Variants in PCDHA13 observed in about 807,000 individuals in gnomAD.
PCDHA13 encodes the protein protocadherin alpha-13.
PCDHA13 carries 54 observed loss-of-function variants against 64.8 expected under a neutral mutation model. The ratio of observed to expected loss-of-function variants is 0.83; its 90% CI spans 0.67 to 1.04. The LOEUF is 1.04. Among genes scored for constraint, PCDHA13 ranks in the 50% least tolerant of loss-of-function variants. The pLI is 0.00. For missense variants in PCDHA13, 1,248 were observed against 1,254.3 expected (o/e 0.99, Z 0.08); for synonymous variants, 587 against 564.4 (o/e 1.04, Z -0.57).
At chr5:140,893,066 A>G (rs1221245824) in intron 1 of PCDHA13, among the ~76,000 whole-genome samples, 1 of 152,248 alleles carries the variant, frequency 6.6e-6, no homozygotes, top group Admixed American at 6.5e-5. Flanking sequence ...ACTGCCATGA[A>G]TAACAGGATT....
At chr5:140,982,211 A>G (rs1554243869) in intron 2 of PCDHA13, 1 of 476,036 alleles carries the variant, frequency 2.1e-6, no homozygotes, top group African/African-American at 2.0e-5. Flanking sequence ...AGTGAGCGCC[A>G]CATGGCGTTA....
chr5:140,967,019 C>T (rs887648506), intron 1 of PCDHA13: 1 of 1,607,542 alleles, frequency 6.2e-7, no homozygotes, highest in Non-Finnish European at 8.5e-7. Flanking sequence ...TCTGGGTGCG[C>T]CCAGTCCGCG....
chr5:141,007,349 G>C (rs532404832), intron 3 of PCDHA13, among the ~76,000 whole-genome samples: 204 of 144,744 alleles, frequency 1.4e-3, no homozygotes, highest in Middle Eastern at 0.011. Flanking sequence ...TCAGGAGTTC[G>C]AGACCAGCCT....
chr5:140,928,939 T>C (rs367874769), intron 1 of PCDHA13: 1 of 1,614,130 alleles, frequency 6.2e-7, no homozygotes, highest in Non-Finnish European at 8.5e-7. Context: ...CCAGAACTTG[T>C]ATTTAGTAAT....
At chr5:140,893,264 A>T (rs1554185566) in intron 1 of PCDHA13, among the ~76,000 whole-genome samples, 1 of 152,290 alleles carries the variant, frequency 6.6e-6, no homozygotes, top group African/African-American at 2.4e-5. Context: ...ATAAATGCCC[A>T]ATAGTGGAAT....
intron 1 of PCDHA13, among the ~76,000 whole-genome samples, chr5:140,923,179 G>T (rs982663028): frequency 3.3e-5 from 5 of 152,130 alleles, no homozygotes; most frequent in Admixed American, 1.3e-4. Flanking sequence ...TTGTTCAGAT[G>T]CATCTACTGC....
chr5:140,957,473 G>A (rs1307847703), intron 1 of PCDHA13, among the ~76,000 whole-genome samples: 1 of 151,954 alleles, frequency 6.6e-6, no homozygotes, highest in Non-Finnish European at 1.5e-5. Context: ...GTATGTATAG[G>A]AAAAAACATA....
rs782623559 is a variant in PCDHA13 at position 141,009,752 on chromosome 5, A to G, written c.2668A>G (p.Ile890Val). The G allele has an allele frequency of 3.1e-6, 5 of 1,614,086 alleles. No homozygotes were observed. Among genetic ancestry groups the G allele is most frequent in the East Asian group, 4.5e-5 (2 of 44,882 alleles). The change falls in exon 4 of 4, where the codon ATC becomes GTC. Residue 890 changes from isoleucine (I) to valine (V), a missense_variant. Physicochemically the swap from Ile to Val is conservative, Grantham distance 29. Transcript: ENST00000289272. ...CGGTGAGTTGCCCGACAAATTCATT[A>G]TCCCAGGATCTCCTGCAATCATCTC... ...GPGELPDKFIIPGSPAIISIR... is the reference protein window; with the variant it reads ...GPGELPDKFIVPGSPAIISIR...
chr5:140,968,768 C>T, intron 1 of PCDHA13: 1 of 1,614,174 alleles, frequency 6.2e-7, no homozygotes, highest in South Asian at 1.1e-5. Flanking sequence ...TAATGGAGAG[C>T]CATCACTATC....
At chr5:140,935,203 A>G (rs1403808889) in intron 1 of PCDHA13, among the ~76,000 whole-genome samples, 1 of 152,160 alleles carries the variant, frequency 6.6e-6, no homozygotes, top group Non-Finnish European at 1.5e-5. Flanking sequence ...GTTTCTAGGT[A>G]TCTTCAGCTA....
In PCDHA13 at chr5:140,883,606, C is replaced by T. The variant is rs782093980; in HGVS notation, c.1338C>T (p.Ala446=). ...WATASVSVGV[A]DVNDNAPAFA... The stretch of plus-strand genomic sequence containing the variant: ...CGGCCAGCGTGTCGGTGGGGGTGGC[C>T]GACGTGAACGACAACGCGCCGGCGT... The change falls in exon 1 of 4, where the codon GCC becomes GCT. Residue 446 remains alanine (A), a synonymous_variant. Coordinates refer to ENST00000289272, the MANE Select transcript of PCDHA13 (RefSeq NM_018904.3). 6.2e-7 allele frequency: 1 copy of T among 1,613,942 alleles called. No homozygotes were observed. Among genetic ancestry groups the T allele is most frequent in the South Asian group, 1.1e-5 (1 of 91,068 alleles).
At chr5:140,885,677 T>C (rs1554182236) in intron 1 of PCDHA13, among the ~76,000 whole-genome samples, 1 of 152,208 alleles carries the variant, frequency 6.6e-6, no homozygotes, top group African/African-American at 2.4e-5. Context: ...ACTCTTTCTA[T>C]CTCAAGAAGC....
intron 3 of PCDHA13, among the ~76,000 whole-genome samples, chr5:141,005,708 A>G (rs1245739768): frequency 6.8e-6 from 1 of 146,360 alleles, no homozygotes; most frequent in Non-Finnish European, 1.5e-5. Context: ...TCTCAAAAAA[A>G]AAAAAAAAAA....
chr5:140,951,252 A>G (rs568359458), intron 1 of PCDHA13, among the ~76,000 whole-genome samples: 1 of 151,856 alleles, frequency 6.6e-6, no homozygotes, highest in African/African-American at 2.4e-5. Context: ...AATGCATCAC[A>G]TTTTTCTGGT....
chr5:140,948,005 T>G (rs246049), intron 1 of PCDHA13, among the ~76,000 whole-genome samples: 85,182 of 151,072 alleles, frequency 0.56, 24,606 homozygotes, highest in African/African-American at 0.69. Flanking sequence ...TTATTAAATT[T>G]AGGAAGTACC....
At chr5:140,977,342 T>A (rs1554238451) in intron 1 of PCDHA13, among the ~76,000 whole-genome samples, 1 of 152,222 alleles carries the variant, frequency 6.6e-6, no homozygotes, top group South Asian at 2.1e-4. Context: ...GAGACGGTGA[T>A]GATGACTGAT....
At chr5:140,926,557 C>G (rs2083347198) in intron 1 of PCDHA13, 1 of 241,254 alleles carries the variant, frequency 4.1e-6, no homozygotes. Context: ...GACCCCAGCC[C>G]GCTGCTACTG....
intron 1 of PCDHA13, among the ~76,000 whole-genome samples, chr5:140,946,637 G>T: frequency 1.5e-5 from 1 of 64,620 alleles, no homozygotes; most frequent in African/African-American, 1.0e-4. Flanking sequence ...TATATACAAT[G>T]GAATACTCAT....
At chr5:140,940,499 G>T (rs190058542) in intron 1 of PCDHA13, among the ~76,000 whole-genome samples, 3 of 151,756 alleles carry the variant, frequency 2.0e-5, no homozygotes, top group Non-Finnish European at 4.4e-5. Flanking sequence ...GTCTTGCTCC[G>T]TCGCTCAGGC....
Sources: allele counts gnomAD v4.1 joint callset (sites outside exome capture counted in the v4.1 genomes callset), GRCh38; gene constraint gnomAD v4.1.1; transcripts MANE v1.5; gene names NCBI Gene and HGNC (gene_info 2026-07-23, HGNC 2026-07-21).